Variants in CNTN3 observed in about 807,000 individuals in gnomAD.
CNTN3 encodes contactin 3.
In CNTN3, 60 loss-of-function variants were observed where a neutral mutation model predicts 119.1. The ratio of observed to expected loss-of-function variants is 0.50; its 90% CI spans 0.41 to 0.62. The LOEUF (loss-of-function observed/expected upper bound fraction) is 0.62, where lower values mean the gene tolerates loss of function less well. Ranked by LOEUF, CNTN3 falls within the 20% of genes least tolerant of loss-of-function variation. The probability of loss-of-function intolerance (pLI) is 0.00; values close to 1 mark genes in which losing one functional copy is unlikely to be tolerated. For synonymous variants in CNTN3, 450 were observed against 438.7 expected (o/e 1.03, Z -0.32); for missense variants, 1,101 against 1,242.4 (o/e 0.89, Z 1.71).
chr3:74,328,430 A>G (rs1703181612), intron 13 of CNTN3, among the ~76,000 whole-genome samples: 1 of 152,214 alleles, frequency 6.6e-6, no homozygotes, highest in Non-Finnish European at 1.5e-5. Flanking sequence ...TATTTACATA[A>G]TAAATATTTG....
Position 74,292,492 on chromosome 3 carries a change from G to A in CNTN3, c.2517+2629C>T, listed in dbSNP as rs577042778. ...GAGGCAGGAGAGTTGCTTGAACCCAGGAGGGGGAGGTTGTGGTGAGCTGAG... is the reference window on the plus strand; with the variant it reads ...GAGGCAGGAGAGTTGCTTGAACCCAAGAGGGGGAGGTTGTGGTGAGCTGAG... On this transcript the variant is annotated intron_variant, in intron 19 of 22. Coordinates refer to ENST00000263665, the MANE Select transcript of CNTN3 (RefSeq NM_020872.3). Among the ~76,000 whole-genome samples the A allele has an allele frequency of 4.4e-3, 674 of 152,296 alleles. 2 individuals carry two copies. Among genetic ancestry groups the A allele is most frequent in the Non-Finnish European group, 7.4e-3 (505 of 68,016 alleles).
At chr3:74,574,286 G>C (rs181478423) in intron 1 of CNTN3, among the ~76,000 whole-genome samples, 1 of 152,116 alleles carries the variant, frequency 6.6e-6, no homozygotes, top group African/African-American at 2.4e-5. Context: ...AAGAAGGCAG[G>C]GGGAGAAGAG....
intron 13 of CNTN3, among the ~76,000 whole-genome samples, chr3:74,316,406 G>C (rs1702831471): frequency 6.6e-6 from 1 of 152,128 alleles, no homozygotes; most frequent in African/African-American, 2.4e-5. Flanking sequence ...AATTAGTACA[G>C]GCATTGTGAA....
chr3:74,600,405 C>T (rs1281636733), intron 1 of CNTN3, among the ~76,000 whole-genome samples: 1 of 152,060 alleles, frequency 6.6e-6, no homozygotes, highest in East Asian at 1.9e-4. Flanking sequence ...CAAGTGGAGG[C>T]TGTTCTAGAA....
intron 1 of CNTN3, among the ~76,000 whole-genome samples, chr3:74,525,129 C>T (rs1703600115): frequency 6.6e-6 from 1 of 151,612 alleles, no homozygotes; most frequent in Non-Finnish European, 1.5e-5. Flanking sequence ...CTGTGTCTGG[C>T]TTAACAAGAT....
intron 1 of CNTN3, among the ~76,000 whole-genome samples, chr3:74,595,387 G>A (rs1316295236): frequency 6.6e-6 from 1 of 151,872 alleles, no homozygotes; most frequent in Non-Finnish European, 1.5e-5. Context: ...GTCCTGAATG[G>A]TAATGCCTAG....
chr3:74,563,139 G>T (rs1242814303), intron 1 of CNTN3, among the ~76,000 whole-genome samples: 1 of 152,050 alleles, frequency 6.6e-6, no homozygotes, highest in East Asian at 1.9e-4. Context: ...TCCATCTATT[G>T]GTTTCTATAC....
intron 2 of CNTN3, among the ~76,000 whole-genome samples, chr3:74,516,590 A>T (rs1703454537): frequency 6.6e-6 from 1 of 150,820 alleles, no homozygotes; most frequent in Admixed American, 6.6e-5. Flanking sequence ...TAAGTATAAC[A>T]GTTAAGTTTT....
intron 4 of CNTN3, among the ~76,000 whole-genome samples, chr3:74,432,044 A>G (rs773472854): frequency 1.4e-5 from 2 of 144,538 alleles, no homozygotes; most frequent in African/African-American, 2.4e-5. Flanking sequence ...TCTTCCATAC[A>G]TAATATCTTA....
chr3:74,576,636 A>G (rs1269797368), intron 1 of CNTN3, among the ~76,000 whole-genome samples: 1 of 152,110 alleles, frequency 6.6e-6, no homozygotes, highest in Non-Finnish European at 1.5e-5. Flanking sequence ...AGTACCCTTA[A>G]ATTTTTTCTA....
intron 13 of CNTN3, among the ~76,000 whole-genome samples, chr3:74,307,928 T>A (rs1358008136): frequency 6.6e-6 from 1 of 152,202 alleles, no homozygotes; most frequent in African/African-American, 2.4e-5. Flanking sequence ...AGTCCTCTTT[T>A]TTTATGACTT....
At chr3:74,555,254 G>A (rs1486100800) in intron 1 of CNTN3, among the ~76,000 whole-genome samples, 2 of 152,188 alleles carry the variant, frequency 1.3e-5, no homozygotes, top group Admixed American at 6.5e-5. Flanking sequence ...TGCATTCCAG[G>A]TAGGAAGTCG....
intron 11 of CNTN3, among the ~76,000 whole-genome samples, chr3:74,348,727 C>A (rs78359429): frequency 1.3e-5 from 2 of 152,068 alleles, no homozygotes; most frequent in Non-Finnish European, 2.9e-5. Context: ...CAATCTCTGC[C>A]GGAATGCCTG....
rs561901241 is a variant in CNTN3 at position 74,559,186 on chromosome 3, T to G, written c.-80-37994A>C. Reference sequence around the variant, plus strand: ...TGACACTGGTTAAACTTTACAAAGTTTCCTTGTCTACCTTGGACCTCCCTT... The same window carrying G: ...TGACACTGGTTAAACTTTACAAAGTGTCCTTGTCTACCTTGGACCTCCCTT... On this transcript the variant is annotated intron_variant, in intron 1 of 22. Coordinates refer to ENST00000263665, the MANE Select transcript of CNTN3 (RefSeq NM_020872.3). 2.6e-5 allele frequency among the ~76,000 whole-genome samples: 4 copies of G among 152,168 alleles called. No individual in the cohort carries two copies. In the South Asian group the frequency reaches 6.2e-4, roughly 24 times the overall value.
chr3:74,610,741 A>T (rs1484174739), intron 1 of CNTN3, among the ~76,000 whole-genome samples: 1 of 152,136 alleles, frequency 6.6e-6, no homozygotes, highest in East Asian at 1.9e-4. Context: ...TAGTTATCCC[A>T]GGAGAGAAGA....
chr3:74,470,940 G>C (rs1702549862), intron 4 of CNTN3, among the ~76,000 whole-genome samples: 1 of 150,044 alleles, frequency 6.7e-6, no homozygotes, highest in Non-Finnish European at 1.5e-5. Context: ...GCAGTGGTGT[G>C]ATCTCGGCTC....
At chr3:74,520,118 C>T (rs1391372120) in intron 2 of CNTN3, among the ~76,000 whole-genome samples, 1 of 151,194 alleles carries the variant, frequency 6.6e-6, no homozygotes, top group Admixed American at 6.6e-5. Flanking sequence ...CCTCAGGTAT[C>T]ATGAAGAAAT....
At chr3:74,515,298 C>T (rs1703432229) in intron 2 of CNTN3, among the ~76,000 whole-genome samples, 1 of 151,930 alleles carries the variant, frequency 6.6e-6, no homozygotes, top group Admixed American at 6.6e-5. Context: ...CACACAGGGC[C>T]CACCTCTGAA....
rs116228824 is a variant in CNTN3, at chr3:74,527,852, G to A, written c.-80-6660C>T. 2.2e-3 allele frequency among the ~76,000 whole-genome samples: 329 copies of A among 152,048 alleles called. 3 individuals are homozygous for A. Among genetic ancestry groups the A allele is most frequent in the African/African-American group, 7.4e-3 (309 of 41,532 alleles). ...GTTTCAAGACAAGCTTTTTGTTTAAGAGCAAGTCTGAGTTTCAACAGTGTT... is the reference window on the plus strand; with the variant it reads ...GTTTCAAGACAAGCTTTTTGTTTAAAAGCAAGTCTGAGTTTCAACAGTGTT... On this transcript the variant is annotated intron_variant, in intron 1 of 22. Coordinates refer to ENST00000263665, the MANE Select transcript of CNTN3 (RefSeq NM_020872.3).
Sources: allele counts gnomAD v4.1 joint callset (sites outside exome capture counted in the v4.1 genomes callset), GRCh38; gene constraint gnomAD v4.1.1; transcripts MANE v1.5; gene names NCBI Gene and HGNC (gene_info 2026-07-23, HGNC 2026-07-21).